The following CNN3 variants were observed in gnomAD, a reference collection of about 807,000 sequenced individuals.
The protein encoded by CNN3 is calponin-3.
CNN3 carries 11 observed loss-of-function variants against 39.0 expected under a neutral mutation model. The ratio of observed to expected loss-of-function variants is 0.28; its 90% CI spans 0.18 to 0.47. CNN3 has a LOEUF of 0.47. CNN3 is among the 20% of genes least tolerant of loss of function. CNN3 has a pLI of 0.99. For missense variants in CNN3, 266 were observed against 403.4 expected (o/e 0.66, Z 2.92); for synonymous variants, 101 against 138.3 (o/e 0.73, Z 1.89).
At chr1:94,899,243 C>G in intron 6 of CNN3, 128 bp downstream of exon 6, 7 of 1,011,324 alleles carry the variant, frequency 6.9e-6, no homozygotes, top group Non-Finnish European at 9.5e-6. Flanking sequence ...TTTGCTTTCC[C>G]AGCAAAGTCC....
At chr1:94,898,418 A>T (rs1162185284) in intron 6 of CNN3, among the ~76,000 whole-genome samples, 1 of 152,220 alleles carries the variant, frequency 6.6e-6, no homozygotes, top group Non-Finnish European at 1.5e-5. Context: ...AGAGAATGAG[A>T]CATAAAGAAT....
rs1670873114 is a variant in CNN3 at position 94,901,705 on chromosome 1, T to C, written c.465A>G (p.Gly155=). 2 of 1,614,090 alleles carry C rather than the reference T, an allele frequency of 1.2e-6. No individual in the cohort carries two copies. Among genetic ancestry groups the C allele is most frequent in the East Asian group, 4.5e-5 (2 of 44,870 alleles). ...TTACACTTTGGCCAGCTTTTAATTT[T>C]CCTTCATCAAAACGTCTTGTTTGTT... ...AEKQTRRFDE[G]KLKAGQSVIG... is the part of the protein sequence containing the mutation. Residue 155 remains glycine (G), a synonymous_variant, in exon 5 of 7, where the codon GGA becomes GGG. Coordinates refer to ENST00000370206, the MANE Select transcript of CNN3 (RefSeq NM_001839.5).
At chr1:94,923,489 TGGAATTC>T (rs1671500034) in intron 1 of CNN3, among the ~76,000 whole-genome samples, 1 of 148,628 alleles carries the variant, frequency 6.7e-6, no homozygotes, top group Non-Finnish European at 1.5e-5. Context: ...GCTGAAAGAC[TGGAATTC>T]TTAGGCTTTT....
chr1:94,899,598 A>G, intron 5 of CNN3, 81 bp from the exon 6 acceptor site: 2 of 1,444,444 alleles, frequency 1.4e-6, no homozygotes, highest in Non-Finnish European at 1.9e-6. Flanking sequence ...CCATGCTACC[A>G]AAAAGACAGA....
chr1:94,897,642 A>T lies in CNN3; in HGVS notation c.*100T>A. 9.0e-7 allele frequency: 1 copy of T among 1,106,076 alleles called. No homozygotes were observed. The highest frequency in any genetic ancestry group is 1.3e-6 in the Non-Finnish European group (1 of 765,994). The allele number at this position is 1,106,076 out of a possible 1,614,324, so 68.5% of individuals were successfully genotyped here. ...TTTTTCTTAAAAGTACAATAAGCTTAATAGTGTTTTAGGAAGACAAGATAA... is the reference window on the plus strand; with the variant it reads ...TTTTTCTTAAAAGTACAATAAGCTTTATAGTGTTTTAGGAAGACAAGATAA... On this transcript the variant is annotated 3_prime_UTR_variant, in exon 7 of 7. Transcript: ENST00000370206.
In CNN3 at chr1:94,926,896, G is replaced by A. The variant is rs762889231; in HGVS notation, c.-2C>T. 6.2e-7 allele frequency: 1 copy of A among 1,608,422 alleles called. No homozygotes were observed. The highest frequency in any genetic ancestry group is 1.1e-5 in the South Asian group (1 of 90,690). The stretch of plus-strand genomic sequence containing the variant: ...AGGGCCCTTGTTGAAGTGGGTCATG[G>A]TGGTTCGGGCGGCGGGAAGAGACAG... On this transcript the variant is annotated 5_prime_UTR_variant, in exon 1 of 7. Coordinates refer to ENST00000370206, the MANE Select transcript of CNN3 (RefSeq NM_001839.5). This position sits in a 1 kb window ranked among gnomAD's most constrained non-coding sequence, Gnocchi z 4.2.
intron 1 of CNN3, among the ~76,000 whole-genome samples, chr1:94,919,407 A>T (rs1482414633): frequency 1.3e-5 from 2 of 152,230 alleles, no homozygotes; most frequent in African/African-American, 4.8e-5. Context: ...TTTTGCATTC[A>T]AAGTGGAATC....
intron 1 of CNN3, among the ~76,000 whole-genome samples, chr1:94,905,062 C>A (rs953630079): frequency 2.0e-5 from 3 of 152,126 alleles, no homozygotes; most frequent in South Asian, 2.1e-4. Flanking sequence ...GTGGGAAATG[C>A]CCTAGGTTCA....
At chr1:94,917,249 T>C (rs1309905358) in intron 1 of CNN3, among the ~76,000 whole-genome samples, 1 of 152,232 alleles carries the variant, frequency 6.6e-6, no homozygotes. Context: ...TTGGTCAGGC[T>C]GGTCTCGAAC....
intron 3 of CNN3, among the ~76,000 whole-genome samples, chr1:94,902,764 G>A (rs1438756026): frequency 2.0e-5 from 3 of 152,026 alleles, no homozygotes; most frequent in Non-Finnish European, 4.4e-5. Flanking sequence ...ACAGTGCTCT[G>A]CAGTCCACTG....
chr1:94,914,056 TTTTC>T (rs1451261896), intron 1 of CNN3, among the ~76,000 whole-genome samples: 6 of 152,146 alleles, frequency 3.9e-5, no homozygotes, highest in African/African-American at 1.4e-4. Flanking sequence ...CAAGTTTTTG[TTTTC>T]TTTGTCTCAC....
intron 1 of CNN3, among the ~76,000 whole-genome samples, chr1:94,921,912 C>A (rs972956677): frequency 6.6e-6 from 1 of 152,142 alleles, no homozygotes; most frequent in Non-Finnish European, 1.5e-5. Context: ...TGGTTCCTAC[C>A]AGGAGCAAAG....
intron 1 of CNN3, among the ~76,000 whole-genome samples, chr1:94,922,859 G>C (rs1376777349): frequency 6.6e-6 from 1 of 152,196 alleles, no homozygotes; most frequent in Non-Finnish European, 1.5e-5. Context: ...TTTAGGTGTT[G>C]AGAAATACCA....
chr1:94,903,610 C>A, intron 1 of CNN3, 86 bp from the exon 2 acceptor site: 3 of 1,545,798 alleles, frequency 1.9e-6, no homozygotes, highest in Non-Finnish European at 2.7e-6. Flanking sequence ...TTTCACTAGC[C>A]ATTAAGACCA....
intron 1 of CNN3, chr1:94,925,497 G>A: frequency 1.7e-6 from 1 of 595,148 alleles, no homozygotes. Context: ...AAAGGTAAAG[G>A]ACCTAAACAT....
Position 94,901,654 on chromosome 1 carries a change from C to A in CNN3, c.501+15G>T. ...ATTGAATAAGTAATTGAATAAGCAACACCACATTACTTACCTGCAGACCAA... is the reference window on the plus strand; with the variant it reads ...ATTGAATAAGTAATTGAATAAGCAAAACCACATTACTTACCTGCAGACCAA... On this transcript the variant is annotated intron_variant, in intron 5 of 6. Coordinates refer to ENST00000370206, the MANE Select transcript of CNN3 (RefSeq NM_001839.5). 1 of 1,526,754 alleles carries A rather than the reference C, an allele frequency of 6.5e-7. No homozygotes were observed. The highest frequency in any genetic ancestry group is 9.1e-7 in the Non-Finnish European group (1 of 1,101,336). 94.6% of individuals were successfully genotyped at this position (1,526,754 alleles called of 1,614,324 possible).
At chr1:94,898,914 T>A (rs888070440) in intron 6 of CNN3, among the ~76,000 whole-genome samples, 4 of 152,196 alleles carry the variant, frequency 2.6e-5, no homozygotes, top group African/African-American at 9.7e-5. Context: ...CAAGGAAATA[T>A]TTCTATCTTG....
chr1:94,913,593 T>A (rs1241418166), intron 1 of CNN3, among the ~76,000 whole-genome samples: 2 of 152,208 alleles, frequency 1.3e-5, no homozygotes, highest in Non-Finnish European at 2.9e-5. Context: ...TAAGCTGACA[T>A]CAGTTTCTAG....
intron 1 of CNN3, among the ~76,000 whole-genome samples, chr1:94,909,777 C>T (rs1229646023): frequency 6.6e-6 from 1 of 151,876 alleles, no homozygotes; most frequent in Non-Finnish European, 1.5e-5. Context: ...TCAAAAAGCA[C>T]CTCCACAGCT....
Sources: gnomAD v4.1 joint callset for allele counts (sites outside exome capture counted in the v4.1 genomes callset) on GRCh38, gnomAD v4.1.1 for gene constraint, Gnocchi (gnomAD v3.1) non-coding constraint, MANE v1.5 for transcripts, NCBI Gene and HGNC (gene_info 2026-07-23, HGNC 2026-07-21) for gene names.